The following FHIT variants were observed in gnomAD, a reference collection of about 807,000 sequenced individuals.
FHIT encodes the protein bis(5'-adenosyl)-triphosphatase.
A neutral mutation model predicts 17.9 loss-of-function variants in FHIT; 19 were observed. The observed-to-expected ratio is 1.06, with a 90% CI of 0.74 to 1.56. The LOEUF is 1.56. Among genes scored for constraint, FHIT ranks in the 40% most tolerant of loss-of-function variants. FHIT has a pLI of 0.00. For missense variants in FHIT, 248 were observed against 189.2 expected, an observed-to-expected ratio of 1.31 and a Z score of -1.82; for synonymous variants, 81 against 69.7, an observed-to-expected ratio of 1.16 and a Z score of -0.81.
intron 3 of FHIT, among the ~76,000 whole-genome samples, chr3:61,027,602 A>T (rs2032802660): frequency 6.6e-6 from 1 of 152,250 alleles, no homozygotes; most frequent in Non-Finnish European, 1.5e-5. Flanking sequence ...TATGCAGATT[A>T]ACTTAAAGTG....
intron 2 of FHIT, among the ~76,000 whole-genome samples, chr3:61,182,613 T>C (rs1023584279): frequency 1.3e-5 from 2 of 152,188 alleles, no homozygotes; most frequent in Non-Finnish European, 2.9e-5. Flanking sequence ...TTTAAATTCA[T>C]ACTAGAGAGT....
intron 3 of FHIT, among the ~76,000 whole-genome samples, chr3:60,960,433 T>C (rs1445171195): frequency 2.6e-5 from 4 of 152,218 alleles, no homozygotes; most frequent in Non-Finnish European, 5.9e-5. Context: ...CAATTTTATT[T>C]TTATTACACT....
intron 7 of FHIT, among the ~76,000 whole-genome samples, chr3:59,978,750 C>A (rs757576928): frequency 1.3e-4 from 20 of 150,962 alleles, no homozygotes; most frequent in Admixed American, 7.9e-4. Context: ...CTGCCCAGCT[C>A]CCCAAAGCCC....
chr3:60,800,872 G>A (rs1701163439), intron 4 of FHIT, among the ~76,000 whole-genome samples: 1 of 152,088 alleles, frequency 6.6e-6, no homozygotes, highest in African/African-American at 2.4e-5. Context: ...ATCCTCTAAG[G>A]TATTTCTGGG....
intron 5 of FHIT, among the ~76,000 whole-genome samples, chr3:60,024,706 G>T (rs550555005): frequency 6.6e-6 from 1 of 152,252 alleles, no homozygotes; most frequent in Admixed American, 6.5e-5. Context: ...AGAATGCAAG[G>T]GCAAGACCGT....
At chr3:60,755,812 G>A (rs1205218710) in intron 4 of FHIT, among the ~76,000 whole-genome samples, 4 of 152,176 alleles carry the variant, frequency 2.6e-5, no homozygotes, top group African/African-American at 4.8e-5. Context: ...CCAGCAAGGA[G>A]GGACTGTATC....
intron 4 of FHIT, among the ~76,000 whole-genome samples, chr3:60,748,833 T>C (rs2042410247): frequency 6.6e-6 from 1 of 152,034 alleles, no homozygotes; most frequent in South Asian, 2.1e-4. Flanking sequence ...ACAAAAATCA[T>C]ATCTAGATTA....
rs146041768 is a variant in FHIT at position 60,464,425 on chromosome 3, T to C, written c.103+72435A>G. On this transcript the variant is annotated intron_variant, in intron 5 of 9. Coordinates refer to ENST00000492590, the MANE Select transcript of FHIT (RefSeq NM_002012.4). ...TACAACAAATTACTGTTGACTGTAG[T>C]CACCCTGTTATGCTATCAAATACTA... 4.1e-3 allele frequency among the ~76,000 whole-genome samples: 629 copies of C among 152,294 alleles called. 9 individuals carry two copies. Among genetic ancestry groups the C allele is most frequent in the African/African-American group, 0.014 (566 of 41,570 alleles).
At chr3:60,082,516 G>C (rs1703332917) in intron 5 of FHIT, among the ~76,000 whole-genome samples, 1 of 152,098 alleles carries the variant, frequency 6.6e-6, no homozygotes, top group African/African-American at 2.4e-5. Context: ...GGGTTGAACA[G>C]TAGCTCTGTT....
chr3:60,996,139 A>G (rs752680349), intron 3 of FHIT, among the ~76,000 whole-genome samples: 2 of 152,202 alleles, frequency 1.3e-5, no homozygotes, highest in Non-Finnish European at 2.9e-5. Context: ...TAAGCCCTAC[A>G]GGTCTTGAGT....
intron 6 of FHIT, 90 bp from the exon 7 acceptor site, chr3:60,011,490 C>A: frequency 9.1e-7 from 1 of 1,098,378 alleles, no homozygotes; most frequent in Non-Finnish European, 1.4e-6. Flanking sequence ...AATTTAGATG[C>A]AATTTCATTG....
chr3:60,633,085 A>G (rs1366501088), intron 4 of FHIT, among the ~76,000 whole-genome samples: 1 of 152,254 alleles, frequency 6.6e-6, no homozygotes, highest in Non-Finnish European at 1.5e-5. Context: ...TGCAAAATAC[A>G]ACTGTAGATT....
intron 4 of FHIT, among the ~76,000 whole-genome samples, chr3:60,737,583 G>A (rs1389682687): frequency 1.3e-5 from 2 of 152,198 alleles, no homozygotes; most frequent in South Asian, 2.1e-4. Context: ...AAACCATCCT[G>A]AGAAATGTTC....
At chr3:60,950,337 T>C (rs1287626855) in intron 3 of FHIT, among the ~76,000 whole-genome samples, 1 of 152,222 alleles carries the variant, frequency 6.6e-6, no homozygotes, top group Non-Finnish European at 1.5e-5. Context: ...TTGAGAGCTG[T>C]TATCTTTGTA....
intron 3 of FHIT, among the ~76,000 whole-genome samples, chr3:60,910,966 A>T (rs1553765736): frequency 6.6e-6 from 1 of 152,208 alleles, no homozygotes; most frequent in Non-Finnish European, 1.5e-5. Flanking sequence ...TTACCCACTT[A>T]CAAAGGGAAG....
chr3:60,611,007 T>G (rs566004993), intron 4 of FHIT, among the ~76,000 whole-genome samples: 1 of 152,274 alleles, frequency 6.6e-6, no homozygotes, highest in African/African-American at 2.4e-5. Flanking sequence ...ACAGCTACTC[T>G]GATATTAGTG....
chr3:60,869,745 G>A (rs1559789035), intron 3 of FHIT, among the ~76,000 whole-genome samples: 1 of 152,100 alleles, frequency 6.6e-6, no homozygotes, highest in African/African-American at 2.4e-5. Context: ...CACCCCAGAA[G>A]TGCCAAGATA....
Position 60,036,863 on chromosome 3 carries a change from G to A in FHIT, c.104-22711C>T, listed in dbSNP as rs190199459. 8.9e-4 allele frequency among the ~76,000 whole-genome samples: 135 copies of A among 152,252 alleles called. 1 individual carries two copies. The highest frequency in any genetic ancestry group is 1.5e-3 in the Non-Finnish European group (103 of 68,028). On this transcript the variant is annotated intron_variant, in intron 5 of 9. Transcript: ENST00000492590. ...ACTTATTTTCTGCAATAAAATTTCCGTTAATTTAAAGCTTCTAAGCTGTTT... is the reference window on the plus strand; with the variant it reads ...ACTTATTTTCTGCAATAAAATTTCCATTAATTTAAAGCTTCTAAGCTGTTT...
chr3:60,456,296 C>T (rs1327076213), intron 5 of FHIT, among the ~76,000 whole-genome samples: 1 of 152,192 alleles, frequency 6.6e-6, no homozygotes, highest in Non-Finnish European at 1.5e-5. Flanking sequence ...TGGTTACCGA[C>T]AAATCTTCAC....
Sources: gnomAD v4.1 joint callset for allele counts (sites outside exome capture counted in the v4.1 genomes callset) on GRCh38, gnomAD v4.1.1 for gene constraint, MANE v1.5 for transcripts, NCBI Gene and HGNC (gene_info 2026-07-23, HGNC 2026-07-21) for gene names.